MEGF10: variants seen among roughly 807,000 people sequenced by gnomAD.
MEGF10 encodes the protein multiple epidermal growth factor-like domains protein 10.
In MEGF10, 86 loss-of-function variants were observed where a neutral mutation model predicts 147.5. The observed-to-expected ratio is 0.58, with a 90% CI of 0.49 to 0.70. The LOEUF (loss-of-function observed/expected upper bound fraction) is 0.70, where lower values mean the gene tolerates loss of function less well. MEGF10 is among the 30% of genes least tolerant of loss of function. The pLI, the probability that MEGF10 is intolerant of heterozygous loss-of-function variation, is 0.00. For missense variants in MEGF10, 1,329 were observed against 1,487.3 expected (o/e 0.89, Z 1.75); for synonymous variants, 478 against 525.5 (o/e 0.91, Z 1.24).
At chr5:127,316,045 C>A (rs1760535709) in intron 1 of MEGF10, among the ~76,000 whole-genome samples, 1 of 152,176 alleles carries the variant, frequency 6.6e-6, no homozygotes, top group Admixed American at 6.5e-5. Context: ...CACAGGCAGG[C>A]CCCAGGAATT....
At chr5:127,259,081 A>C in the MEGF10 span, among the ~76,000 whole-genome samples, 2 of 152,164 alleles carry the variant, frequency 1.3e-5, no homozygotes, top group Non-Finnish European at 2.9e-5. Flanking sequence ...TTATGAGATG[A>C]TCTGAGCTTG....
intron 1 of MEGF10, among the ~76,000 whole-genome samples, chr5:127,308,765 A>G (rs1298842526): frequency 6.6e-6 from 1 of 152,250 alleles, no homozygotes; most frequent in Non-Finnish European, 1.5e-5. Context: ...CTAATGTTAA[A>G]TGACGAGTTA....
At chr5:127,275,513 C>A in the MEGF10 span, among the ~76,000 whole-genome samples, 1 of 152,140 alleles carries the variant, frequency 6.6e-6, no homozygotes. Flanking sequence ...TTAGGAGGCC[C>A]ATGCTATGCC....
intron 12 of MEGF10, among the ~76,000 whole-genome samples, chr5:127,421,927 T>C (rs1765021153): frequency 1.4e-5 from 2 of 143,616 alleles, no homozygotes; most frequent in Admixed American, 1.4e-4. Context: ...AGGCAGAGCT[T>C]GCAGTGAGCC....
intron 13 of MEGF10, among the ~76,000 whole-genome samples, chr5:127,423,840 C>A (rs753256384): frequency 6.6e-6 from 1 of 151,566 alleles, no homozygotes; most frequent in Non-Finnish European, 1.5e-5. Context: ...TTTTTCCTTT[C>A]TTGATGATGA....
chr5:127,395,467 A>AT (rs769415176), intron 5 of MEGF10, among the ~76,000 whole-genome samples: 2 of 139,270 alleles, frequency 1.4e-5, no homozygotes, highest in African/African-American at 5.4e-5. Flanking sequence ...ATATTTGTCC[A>AT]TTTTTTCTGC....
At chr5:127,408,812 C>T (rs1172428645) in intron 8 of MEGF10, among the ~76,000 whole-genome samples, 2 of 152,184 alleles carry the variant, frequency 1.3e-5, no homozygotes, top group African/African-American at 4.8e-5. Flanking sequence ...CCAAGTGGCT[C>T]ATTCCTATAA....
chr5:127,418,890 C>G (rs957055484), intron 10 of MEGF10, among the ~76,000 whole-genome samples: 1 of 152,088 alleles, frequency 6.6e-6, no homozygotes, highest in African/African-American at 2.4e-5. Flanking sequence ...TAGGTGCAAG[C>G]TTTTTTGGAT....
At position 127,434,818 on chromosome 5, in the gene MEGF10, G is replaced by A. The variant is rs1765502480; in HGVS notation, c.1972G>A (p.Glu658Lys). 1 of 1,612,556 alleles carries A rather than the reference G, an allele frequency of 6.2e-7. No homozygotes were observed. The change falls in exon 15 of 25, where the codon GAA (glutamate) becomes AAA (lysine). Residue 658 changes from glutamate to lysine, a missense_variant. This residue lies in a region of MEGF10 where 980 missense variants were observed against 1,085.9 expected (regional missense o/e 0.90). Coordinates refer to ENST00000503335, the MANE Select transcript of MEGF10 (RefSeq NM_001256545.2). ...TGGCTTCACAGGCGCCCTCTGCAATGAAGGTAAGGCACGAAGCATCCCGGA... is the reference window on the plus strand; with the variant it reads ...TGGCTTCACAGGCGCCCTCTGCAATAAAGGTAAGGCACGAAGCATCCCGGA... ...LPGFTGALCN[E>K]VCPSGRFGKN... is the part of the protein sequence containing the mutation.
At chr5:127,294,810 A>C (rs1759421168) in intron 1 of MEGF10, among the ~76,000 whole-genome samples, 1 of 137,510 alleles carries the variant, frequency 7.3e-6, no homozygotes, top group African/African-American at 2.6e-5. Flanking sequence ...AATAATAATA[A>C]TAATAATAAT....
chr5:127,273,308 A>G, the MEGF10 span, among the ~76,000 whole-genome samples: 10 of 152,100 alleles, frequency 6.6e-5, no homozygotes. Flanking sequence ...CCTTGGCTCA[A>G]TGTTGCTCTT....
intron 1 of MEGF10, among the ~76,000 whole-genome samples, chr5:127,325,247 C>T (rs1434260706): frequency 6.6e-6 from 1 of 152,162 alleles, no homozygotes; most frequent in African/African-American, 2.4e-5. Context: ...TAAACGGACT[C>T]ATTTGGCAAA....
At chr5:127,407,187 C>T (rs1268608815) in intron 8 of MEGF10, among the ~76,000 whole-genome samples, 1 of 152,160 alleles carries the variant, frequency 6.6e-6, no homozygotes, top group South Asian at 2.1e-4. Flanking sequence ...GTGCTTTTTA[C>T]ATTTCCCCCA....
At chr5:127,434,353 AT>A (rs1337934979) in intron 14 of MEGF10, among the ~76,000 whole-genome samples, 2 of 152,126 alleles carry the variant, frequency 1.3e-5, no homozygotes, top group African/African-American at 4.8e-5. Context: ...TAGTATTTCA[AT>A]TTTTTTATCT....
the MEGF10 span, among the ~76,000 whole-genome samples, chr5:127,233,006 C>T: frequency 6.6e-6 from 1 of 152,276 alleles, no homozygotes; most frequent in South Asian, 2.1e-4. Flanking sequence ...TTTGGGTGTT[C>T]TCTCTTCTTC....
At chr5:127,374,201 G>A (rs1762943356) in intron 5 of MEGF10, among the ~76,000 whole-genome samples, 1 of 152,204 alleles carries the variant, frequency 6.6e-6, no homozygotes, top group South Asian at 2.1e-4. Flanking sequence ...TATTGGCACT[G>A]CGCTTACATT....
intron 4 of MEGF10, among the ~76,000 whole-genome samples, chr5:127,365,890 T>A (rs1762635500): frequency 6.6e-6 from 1 of 152,208 alleles, no homozygotes; most frequent in Admixed American, 6.5e-5. Flanking sequence ...TCTATTCCCA[T>A]TCATGGGACA....
intron 4 of MEGF10, among the ~76,000 whole-genome samples, chr5:127,362,331 G>GT (rs35156178): frequency 0.54 from 72,152 of 134,194 alleles, 19,571 homozygotes; most frequent in Middle Eastern, 0.63. Context: ...CGTTAGTATG[G>GT]TTTTTTTTTT....
the MEGF10 span, among the ~76,000 whole-genome samples, chr5:127,261,044 C>G: frequency 6.6e-6 from 1 of 152,094 alleles, no homozygotes; most frequent in Non-Finnish European, 1.5e-5. Context: ...GAAGATGTGC[C>G]TCTGCCTTCC....
Sources: gnomAD v4.1 joint callset for allele counts (sites outside exome capture counted in the v4.1 genomes callset) on GRCh38, gnomAD v4.1.1 for gene constraint, gnomAD v4.1.1 regional missense constraint, MANE v1.5 for transcripts, NCBI Gene and HGNC (gene_info 2026-07-23, HGNC 2026-07-21) for gene names.